DOCK6: variants seen among roughly 807,000 people sequenced by gnomAD.
DOCK6 encodes dedicator of cytokinesis 6.
In DOCK6, 167 loss-of-function variants were observed where a neutral mutation model predicts 230.3. The observed-to-expected ratio is 0.73, with a 90% CI of 0.64 to 0.82. The LOEUF is 0.82. DOCK6 is among the 40% of genes least tolerant of loss of function. DOCK6 has a pLI of 0.00. For missense variants in DOCK6, 2,598 were observed against 2,825.8 expected, an observed-to-expected ratio of 0.92 and a Z score of 1.83; for synonymous variants, 1,148 against 1,185.0, an observed-to-expected ratio of 0.97 and a Z score of 0.64.
At chr19:11,252,456 C>A in intron 4 of DOCK6, 26 bp downstream of exon 4, 1 of 1,613,582 alleles carries the variant, frequency 6.2e-7, no homozygotes. Flanking sequence ...TCCGAACCCC[C>A]TGAGCTGCCC....
chr19:11,242,033 C>CA lies in DOCK6; in HGVS notation c.1643+11dup. Reference sequence around the variant, plus strand: ...CCCATTCAAGTGCCCAGCTGGGCCCCAGAGGCCGTACCTGTAGCTGGTATG... The same window carrying CA: ...CCCATTCAAGTGCCCAGCTGGGCCCCAAGAGGCCGTACCTGTAGCTGGTATG... On this transcript the variant is annotated intron_variant, in intron 14 of 47. Coordinates refer to ENST00000294618, the MANE Select transcript of DOCK6 (RefSeq NM_020812.4). 6.4e-7 allele frequency: 1 copy of CA among 1,565,240 alleles called. No homozygotes were observed. The highest frequency in any genetic ancestry group is 1.2e-5 in the South Asian group (1 of 82,816).
intron 22 of DOCK6, 77 bp from the exon 23 acceptor site, chr19:11,229,112 A>C: frequency 6.9e-7 from 1 of 1,444,582 alleles, no homozygotes; most frequent in Non-Finnish European, 9.5e-7. Context: ...TGCCAGGGGA[A>C]GATGCAGCTG....
At chr19:11,262,369 G>A (rs769824897) in intron 1 of DOCK6, 28 bp downstream of exon 1, 1 of 1,253,448 alleles carries the variant, frequency 8.0e-7, no homozygotes, top group East Asian at 3.2e-5. Flanking sequence ...CGTGGGGGAG[G>A]TGGGAGGGGG....
At position 11,236,565 on chromosome 19, in the gene DOCK6, C is replaced by G; in HGVS notation, c.2173G>C (p.Asp725His). Residue 725 changes from aspartate (D) to histidine (H), a missense_variant, in exon 20 of 48, where the codon GAC becomes CAC. Physicochemically the swap from Asp to His is moderately conservative, Grantham distance 81 (BLOSUM62 -1). Transcript: ENST00000294618. This position sits in a 1 kb window ranked among gnomAD's most constrained non-coding sequence, Gnocchi z 5.2. Reference protein sequence around the residue: ...SSVHPQDPYLDKFFTLVHVLE... With the variant: ...SSVHPQDPYLHKFFTLVHVLE... The stretch of plus-strand genomic sequence containing the variant: ...ACGTGCACCAGGGTGAAGAATTTGT[C>G]CAGGTAGGGGTCCTGGGTAGGGATG... 1 of 1,590,514 alleles carries G rather than the reference C, an allele frequency of 6.3e-7. No individual in the cohort carries two copies. Among genetic ancestry groups the G allele is most frequent in the Non-Finnish European group, 8.6e-7 (1 of 1,169,016 alleles).
rs1227584891 is a variant in DOCK6 at position 11,200,168 on chromosome 19, A to C, written c.6101+140T>G. 2 of 939,842 alleles carry C rather than the reference A, an allele frequency of 2.1e-6. No homozygotes were observed. The highest frequency in any genetic ancestry group is 3.4e-5 in the African/African-American group (2 of 58,234). 58.2% of individuals were successfully genotyped at this position (939,842 alleles called of 1,614,324 possible). ...TCTCTCAAAAAAAAAAACAAAAAAA[A>C]AACCGGAAACAAAACAAAGTCCAAG... On this transcript the variant is annotated intron_variant, in intron 47 of 47. Transcript: ENST00000294618. This position sits in a 1 kb window ranked among gnomAD's most constrained non-coding sequence, Gnocchi z 4.3.
rs145750006 is a variant in DOCK6, at chr19:11,241,647, T to G, written c.1643+398A>C. 4.1e-4 allele frequency: 651 copies of G among 1,573,246 alleles called. No individual in the cohort carries two copies. The African/African-American group carries it at 7.8e-3, about 19-fold the overall frequency. ...GCCCCCTCACCTGGGCTGAGCCACATCTCCCTCCCCAGACTCCACACAGCG... is the reference window on the plus strand; with the variant it reads ...GCCCCCTCACCTGGGCTGAGCCACAGCTCCCTCCCCAGACTCCACACAGCG... On this transcript the variant is annotated intron_variant, in intron 14 of 47. Transcript: ENST00000294618.
chr19:11,210,087 C>T (rs1339247016), intron 37 of DOCK6, among the ~76,000 whole-genome samples: 8 of 140,952 alleles, frequency 5.7e-5, no homozygotes, highest in East Asian at 4.6e-4. Flanking sequence ...CCCTCACCTG[C>T]CCACCTTCTC....
intron 7 of DOCK6, 48 bp downstream of exon 7, chr19:11,248,018 T>C (rs771227512): frequency 3.8e-5 from 59 of 1,533,086 alleles, no homozygotes; most frequent in Non-Finnish European, 5.1e-5. Context: ...CCGGAACCCA[T>C]GTGGTTGCTT....
Position 11,201,774 on chromosome 19 carries a change from C to T in DOCK6, c.5688+115G>A. 1 of 1,002,198 alleles carries T rather than the reference C, an allele frequency of 1.0e-6. No homozygotes were observed. The highest frequency in any genetic ancestry group is 1.6e-5 in the South Asian group (1 of 63,672). The allele number at this position is 1,002,198 out of a possible 1,614,324, so 62.1% of individuals were successfully genotyped here. A position where few individuals can be genotyped will look rare whatever the true frequency, so the allele number is the denominator to read the frequency against. The stretch of plus-strand genomic sequence containing the variant: ...GTCCCTGTGCCACCCCTCTCTGGGT[C>T]TGAGGTCCGTGAACCACCTTGGGTC... On this transcript the variant is annotated intron_variant, in intron 44 of 47. Coordinates refer to ENST00000294618, the MANE Select transcript of DOCK6 (RefSeq NM_020812.4). The surrounding 1 kb of genome is among the most constrained non-coding windows in gnomAD (Gnocchi z 4.3).
In DOCK6 at chr19:11,238,338, A is replaced by G. The variant is rs1377738495; in HGVS notation, c.1644-34T>C. 2.6e-6 allele frequency: 4 copies of G among 1,558,506 alleles called. No homozygotes were observed. The Admixed American group carries it at 7.4e-5, about 29-fold the overall frequency. ...GGCAGGATGGGGGTGTCAGAGGGAC[A>G]GGGGCCCTGAAGGTGCACATACAAG... is the stretch of plus-strand genomic sequence containing the variant. On this transcript the variant is annotated intron_variant, in intron 14 of 47. Transcript: ENST00000294618.
chr19:11,252,024 G>A, intron 5 of DOCK6, 95 bp downstream of exon 5: 2 of 1,532,624 alleles, frequency 1.3e-6, no homozygotes, highest in Non-Finnish European at 1.8e-6. Flanking sequence ...TGAGCTCAAG[G>A]CTGTTTGGGT....
Position 11,216,922 on chromosome 19 carries a change from C to G in DOCK6, c.3886G>C (p.Glu1296Gln). ...DLLYLCLAAF[E>Q]YKGKKAFERI... ...TGCCCACGCCCTCAAACCTTGTACTCAAAGGCAGCTAGGCAAAGGTACAGC... is the reference window on the plus strand; with the variant it reads ...TGCCCACGCCCTCAAACCTTGTACTGAAAGGCAGCTAGGCAAAGGTACAGC... Residue 1296 changes from glutamate to glutamine, a missense_variant, in exon 30 of 48, where the codon GAG (glutamate) becomes CAG (glutamine). By Grantham distance (29) the Glu-to-Gln change is conservative. Coordinates refer to ENST00000294618, the MANE Select transcript of DOCK6 (RefSeq NM_020812.4). 6.2e-7 allele frequency: 1 copy of G among 1,613,754 alleles called. No individual in the cohort carries two copies. The highest frequency in any genetic ancestry group is 8.5e-7 in the Non-Finnish European group (1 of 1,179,870).
chr19:11,228,726 ATT>A (rs1324703873), intron 23 of DOCK6: 3 of 440,360 alleles, frequency 6.8e-6, no homozygotes, highest in South Asian at 2.6e-5. Flanking sequence ...CTCCTGGCTA[ATT>A]TTTTTTTGTA....
intron 1 of DOCK6, among the ~76,000 whole-genome samples, chr19:11,257,369 G>A (rs1276053857): frequency 2.7e-5 from 4 of 150,334 alleles, no homozygotes; most frequent in Non-Finnish European, 4.4e-5. Context: ...GCTTGCACCT[G>A]TAATCCCAGT....
chr19:11,212,144 G>T lies in DOCK6; in HGVS notation c.4499C>A (p.Ala1500Asp), dbSNP rs746683013. 7.5e-6 allele frequency: 12 copies of T among 1,608,582 alleles called. No homozygotes were observed. The highest frequency in any genetic ancestry group is 8.5e-6 in the Non-Finnish European group (10 of 1,179,444). Reference sequence around the variant, plus strand: ...CATGGTGACCTGCATCTTCACACGGGCAAAGTTCTGCAGGGACAGGGGCGG... The same window carrying T: ...CATGGTGACCTGCATCTTCACACGGTCAAAGTTCTGCAGGGACAGGGGCGG... Reference protein sequence around the residue: ...RQNFEIGHNFARVKMQVTMSL... With the variant: ...RQNFEIGHNFDRVKMQVTMSL... The change falls in exon 36 of 48, where the codon GCC becomes GAC. Residue 1500 changes from alanine (A) to aspartate (D), a missense_variant. Ala to Asp is a moderately radical substitution (Grantham distance 126, BLOSUM62 -2). Transcript: ENST00000294618.
In DOCK6 at chr19:11,235,877, ATT is replaced by A. The variant is rs56665433; in HGVS notation, c.2393-120_2393-119del. The stretch of plus-strand genomic sequence containing the variant: ...TCATGTGCTCATTAAGGGGTCACAA[ATT>A]TTTTTTTTTTTTTTTTTTTGAGATG... On this transcript the variant is annotated intron_variant, in intron 20 of 47. Coordinates refer to ENST00000294618, the MANE Select transcript of DOCK6 (RefSeq NM_020812.4). The A allele has an allele frequency of 0.046, 39,461 of 865,596 alleles. 18 individuals are homozygous for A. The highest frequency in any genetic ancestry group is 0.059 in the Middle Eastern group (141 of 2,398). The allele number at this position is 865,596 out of a possible 1,614,324, so 53.6% of individuals were successfully genotyped here. A position where few individuals can be genotyped will look rare whatever the true frequency, so the allele number is the denominator to read the frequency against.
At chr19:11,210,983 C>T (rs1022976992) in intron 37 of DOCK6, among the ~76,000 whole-genome samples, 1 of 151,862 alleles carries the variant, frequency 6.6e-6, no homozygotes, top group African/African-American at 2.4e-5. Flanking sequence ...CTGTCCATTT[C>T]TTCACCCACT....
intron 21 of DOCK6, among the ~76,000 whole-genome samples, chr19:11,235,381 A>T (rs1245264887): frequency 6.6e-6 from 1 of 152,028 alleles, no homozygotes; most frequent in Non-Finnish European, 1.5e-5. Context: ...AAGTGCTGGG[A>T]TTATAGGCAT....
In DOCK6 at chr19:11,199,552, T is replaced by G. The variant is rs1285628680; in HGVS notation, c.6102-13A>C. 6.4e-7 allele frequency: 1 copy of G among 1,571,994 alleles called. No individual in the cohort carries two copies. The highest frequency in any genetic ancestry group is 1.4e-5 in the African/African-American group (1 of 73,896). ...GTTCAAGGAGTTCCTGGAAAAAGAA[T>G]GAGGGTGGGTCAGCATGGCCATGGG... On this transcript the variant is annotated splice_polypyrimidine_tract_variant and intron_variant, in intron 47 of 47. Coordinates refer to ENST00000294618, the MANE Select transcript of DOCK6 (RefSeq NM_020812.4).
Sources: gnomAD v4.1 joint callset for allele counts (sites outside exome capture counted in the v4.1 genomes callset) on GRCh38, gnomAD v4.1.1 for gene constraint, Gnocchi (gnomAD v3.1) non-coding constraint, MANE v1.5 for transcripts, NCBI Gene and HGNC (gene_info 2026-07-23, HGNC 2026-07-21) for gene names.